The following CDH7 variants were observed in gnomAD, a reference collection of about 807,000 sequenced individuals.
CDH7 encodes the protein cadherin-7.
CDH7 carries 25 observed loss-of-function variants against 71.8 expected under a neutral mutation model. That is an observed-to-expected ratio of 0.35 (90% CI 0.25 to 0.49). CDH7 has a LOEUF of 0.49. Among genes scored for constraint, CDH7 ranks in the 20% least tolerant of loss-of-function variants. The pLI, the probability that CDH7 is intolerant of heterozygous loss-of-function variation, is 0.99. For synonymous variants in CDH7, 381 were observed against 363.8 expected, an observed-to-expected ratio of 1.05 and a Z score of -0.54; for missense variants, 862 against 974.6, an observed-to-expected ratio of 0.88 and a Z score of 1.54.
At chr18:65,876,612 A>G (rs968394224) in intron 11 of CDH7, among the ~76,000 whole-genome samples, 10 of 152,116 alleles carry the variant, frequency 6.6e-5, no homozygotes, top group African/African-American at 1.9e-4. Context: ...AGTTATCATC[A>G]GTTAAGTCTT....
chr18:65,842,214 G>T (rs538203199), intron 6 of CDH7, among the ~76,000 whole-genome samples: 227 of 152,052 alleles, frequency 1.5e-3, no homozygotes, highest in African/African-American at 5.1e-3. Context: ...GGAGGCTCAA[G>T]AATTTATTGA....
At chr18:65,766,329 A>C (rs1598988344) in intron 2 of CDH7, among the ~76,000 whole-genome samples, 1 of 152,256 alleles carries the variant, frequency 6.6e-6, no homozygotes, top group African/African-American at 2.4e-5. Flanking sequence ...TTGATCATTA[A>C]GACATTGAAG....
intron 7 of CDH7, 88 bp from the exon 8 acceptor site, chr18:65,857,728 A>G: frequency 1.5e-6 from 2 of 1,292,562 alleles, no homozygotes; most frequent in South Asian, 2.6e-5. Flanking sequence ...GGATTTAGTA[A>G]TGAGCTACAC....
chr18:65,811,770 G>A (rs1405108430), intron 3 of CDH7, among the ~76,000 whole-genome samples: 1 of 151,994 alleles, frequency 6.6e-6, no homozygotes, highest in Non-Finnish European at 1.5e-5. Context: ...TTCCTTTCCT[G>A]CATAGAATAT....
intron 7 of CDH7, among the ~76,000 whole-genome samples, chr18:65,847,773 C>T (rs1013364054): frequency 2.0e-5 from 3 of 152,032 alleles, no homozygotes; most frequent in Non-Finnish European, 4.4e-5. Flanking sequence ...GAACATAACA[C>T]GATTGTGAAT....
chr18:65,861,763 C>A (rs1298559471), intron 10 of CDH7, among the ~76,000 whole-genome samples: 1 of 152,018 alleles, frequency 6.6e-6, no homozygotes, highest in Non-Finnish European at 1.5e-5. Flanking sequence ...TTCATGCTAT[C>A]ATTGAATAAA....
rs759288073 is a variant in CDH7 at position 65,824,827 on chromosome 18, A to G, written c.977A>G (p.Gln326Arg). 3 of 1,586,946 alleles carry G rather than the reference A, an allele frequency of 1.9e-6. No individual in the cohort carries two copies. The change falls in exon 6 of 12, where the codon CAG (glutamine) becomes CGG (arginine). Residue 326 changes from glutamine to arginine, a missense_variant. Physicochemically the swap from Gln to Arg is conservative, Grantham distance 43. Transcript: ENST00000397968. Reference sequence around the variant, plus strand: ...ACCCAGGAAGGAATCATTACTATACAGAAGGTAATGTTTTCTTTATTTATC... The same window carrying G: ...ACCCAGGAAGGAATCATTACTATACGGAAGGTAATGTTTTCTTTATTTATC... Reference protein sequence around the residue: ...KETQEGIITIQKELDFEAKTS... With the variant: ...KETQEGIITIRKELDFEAKTS...
At chr18:65,830,621 C>A (rs1056916624) in intron 6 of CDH7, among the ~76,000 whole-genome samples, 2 of 22,826 alleles carry the variant, frequency 8.8e-5, no homozygotes, top group Non-Finnish European at 5.5e-3. Context: ...CTTCCCTTCC[C>A]TTCGCTTCCC....
In CDH7 at chr18:65,782,174, C is replaced by CT. The variant is rs1396720194; in HGVS notation, c.210+19125dup. ...TCTTTCTTTCTTTCTTCCTTTCTTTCTTTCTTTCTTTCTTGACAGAGTCTC... is the reference window on the plus strand; with the variant it reads ...TCTTTCTTTCTTTCTTCCTTTCTTTCTTTTCTTTCTTTCTTGACAGAGTCTC... On this transcript the variant is annotated intron_variant, in intron 2 of 11. Coordinates refer to ENST00000397968, the MANE Select transcript of CDH7 (RefSeq NM_004361.5). 2.7e-3 allele frequency among the ~76,000 whole-genome samples: 295 copies of CT among 108,260 alleles called. 34 individuals are homozygous for CT. The highest frequency in any genetic ancestry group is 0.012 in the African/African-American group (279 of 22,374). 71.0% of individuals were successfully genotyped at this position (108,260 alleles called of 152,430 possible).
chr18:65,828,193 T>C (rs1025656393), intron 6 of CDH7, among the ~76,000 whole-genome samples: 1 of 152,066 alleles, frequency 6.6e-6, no homozygotes, highest in Admixed American at 6.6e-5. Flanking sequence ...ACAATCCTAC[T>C]TTCTCATCCG....
intron 2 of CDH7, among the ~76,000 whole-genome samples, chr18:65,799,821 C>T (rs1002162213): frequency 1.1e-4 from 17 of 152,260 alleles, no homozygotes; most frequent in Admixed American, 1.0e-3. Context: ...GAAACATGAA[C>T]TATGGCAAAA....
At chr18:65,808,566 G>A (rs7244664) in intron 2 of CDH7, among the ~76,000 whole-genome samples, 125,500 of 152,192 alleles carry the variant, frequency 0.82, 54,149 homozygotes, top group East Asian at 0.99. Context: ...GGATAAACAT[G>A]GCCGTTACAG....
chr18:65,808,361 A>AATAATT (rs1911401130), intron 2 of CDH7, among the ~76,000 whole-genome samples: 1 of 152,234 alleles, frequency 6.6e-6, no homozygotes, highest in East Asian at 1.9e-4. Flanking sequence ...AAATGACTTA[A>AATAATT]GACAGTTAAA....
At position 65,888,638 on chromosome 18, in the gene CDH7, T is replaced by C. The variant is rs1362706593; in HGVS notation, c.*7744T>C. On this transcript the variant is annotated 3_prime_UTR_variant, in exon 12 of 12. Coordinates refer to ENST00000397968, the MANE Select transcript of CDH7 (RefSeq NM_004361.5). ...TTAAGTTAGATAACATTCTAACATATACATGGTTTCAATTTTCTTATAAGT... is the reference window on the plus strand; with the variant it reads ...TTAAGTTAGATAACATTCTAACATACACATGGTTTCAATTTTCTTATAAGT... 6.6e-6 allele frequency: 1 copy of C among 152,166 alleles called. No individual in the cohort carries two copies. Among genetic ancestry groups the C allele is most frequent in the African/African-American group, 2.4e-5 (1 of 41,422 alleles). 9.4% of individuals were successfully genotyped at this position (152,166 alleles called of 1,614,324 possible).
chr18:65,763,939 T>C (rs1847583791), intron 2 of CDH7, among the ~76,000 whole-genome samples: 1 of 152,116 alleles, frequency 6.6e-6, no homozygotes, highest in South Asian at 2.1e-4. Flanking sequence ...TGTAAAGGCC[T>C]ACTGAATTTC....
intron 2 of CDH7, among the ~76,000 whole-genome samples, chr18:65,773,570 A>G (rs895254022): frequency 1.3e-5 from 2 of 152,138 alleles, no homozygotes; most frequent in Non-Finnish European, 2.9e-5. Context: ...CTTACAGATG[A>G]TGCGACTTCA....
intron 11 of CDH7, among the ~76,000 whole-genome samples, chr18:65,867,762 C>A (rs1327140350): frequency 6.6e-6 from 1 of 152,146 alleles, no homozygotes; most frequent in Non-Finnish European, 1.5e-5. Flanking sequence ...GCGTTCCTTC[C>A]AGCTCTTTGC....
intron 10 of CDH7, among the ~76,000 whole-genome samples, chr18:65,860,259 CTT>C (rs1399521832): frequency 2.0e-5 from 3 of 152,078 alleles, no homozygotes; most frequent in African/African-American, 7.2e-5. Flanking sequence ...ACCCCTTACT[CTT>C]TTATTTTTAC....
chr18:65,830,132 A>T (rs1321715265), intron 6 of CDH7, among the ~76,000 whole-genome samples: 1 of 152,166 alleles, frequency 6.6e-6, no homozygotes. Flanking sequence ...ATAACCTGCT[A>T]AATACAGAAA....
Sources: gnomAD v4.1 joint callset for allele counts (sites outside exome capture counted in the v4.1 genomes callset) on GRCh38, gnomAD v4.1.1 for gene constraint, MANE v1.5 for transcripts, NCBI Gene and HGNC (gene_info 2026-07-23, HGNC 2026-07-21) for gene names.